SEM1: variants seen among roughly 807,000 people sequenced by gnomAD.
SEM1 encodes 26S proteasome complex subunit SEM1.
A neutral mutation model predicts 12.7 loss-of-function variants in SEM1; 3 were observed. That is an observed-to-expected ratio of 0.24 (90% CI 0.11 to 0.61). SEM1 has a LOEUF of 0.61. SEM1 is among the 20% of genes least tolerant of loss of function. SEM1 has a pLI of 0.88. For synonymous variants in SEM1, 30 were observed against 27.8 expected (o/e 1.08, Z -0.25); for missense variants, 59 against 81.3 (o/e 0.73, Z 1.06).
chr7:96,687,759 T>C (rs1584863786), downstream of SEM1, among the ~76,000 whole-genome samples: 1 of 151,934 alleles, frequency 6.6e-6, no homozygotes, highest in Non-Finnish European at 1.5e-5. Flanking sequence ...ATTGTGCACA[T>C]GTACCCTAAA....
intron 2 of SEM1, among the ~76,000 whole-genome samples, chr7:96,552,975 T>C (rs1208736165): frequency 6.6e-6 from 1 of 151,790 alleles, no homozygotes; most frequent in Non-Finnish European, 1.5e-5. Context: ...ATGTGTCTTT[T>C]GGCTGCATAA....
chr7:96,660,664 C>A (rs1788972746), intron 2 of SEM1, among the ~76,000 whole-genome samples: 1 of 152,058 alleles, frequency 6.6e-6, no homozygotes, highest in South Asian at 2.1e-4. Flanking sequence ...GTGAAACCCA[C>A]ACAGTTTAAA....
intron 2 of SEM1, among the ~76,000 whole-genome samples, chr7:96,615,241 CTTTTTTTTTTTTTT>C (rs60940244): frequency 1.5e-4 from 19 of 126,446 alleles, no homozygotes; most frequent in Admixed American, 1.7e-4. Flanking sequence ...TTTGAGTCAT[CTTTTTTTTTTTTTT>C]TTTTTTTTTT....
At chr7:96,653,595 A>C (rs568134185) in intron 2 of SEM1, 1 of 152,366 alleles carries the variant, frequency 6.6e-6, no homozygotes, top group East Asian at 1.9e-4. Context: ...GAGTCGTGAT[A>C]GTTGATAACA....
exon 2 of SEM1, chr7:96,486,216 C>A: frequency 1.3e-6 from 2 of 1,535,882 alleles, no homozygotes; most frequent in Non-Finnish European, 1.7e-6. Context: ...CAGACCCAGG[C>A]TAACTCTGTT....
At chr7:96,603,205 A>G (rs1807243726) in intron 2 of SEM1, among the ~76,000 whole-genome samples, 1 of 152,190 alleles carries the variant, frequency 6.6e-6, no homozygotes, top group African/African-American at 2.4e-5. Flanking sequence ...TGGGATTTCA[A>G]ATATACCCTC....
chr7:96,505,310 G>T (rs1223466676), intron 3 of SEM1, among the ~76,000 whole-genome samples: 1 of 151,864 alleles, frequency 6.6e-6, no homozygotes, highest in African/African-American at 2.4e-5. Context: ...CACCATGTTG[G>T]CCAGGCTAAT....
intron 2 of SEM1, among the ~76,000 whole-genome samples, chr7:96,572,791 A>G (rs929033321): frequency 3.1e-4 from 47 of 152,170 alleles, no homozygotes; most frequent in African/African-American, 1.1e-3. Flanking sequence ...GCAGATGTCT[A>G]TTAGGTCCGC....
chr7:96,488,268 G>A (rs1318038773), intron 1 of SEM1, among the ~76,000 whole-genome samples: 1 of 152,108 alleles, frequency 6.6e-6, no homozygotes, highest in African/African-American at 2.4e-5. Flanking sequence ...TGCATGGGAT[G>A]AGTACCTCAG....
At chr7:96,649,003 C>T (rs1055313218) in intron 2 of SEM1, among the ~76,000 whole-genome samples, 6 of 152,186 alleles carry the variant, frequency 3.9e-5, no homozygotes, top group Non-Finnish European at 7.3e-5. Context: ...TCGCTTTCTG[C>T]GACAGAGGTG....
At chr7:96,490,362 G>T (rs1563025604) in intron 1 of SEM1, among the ~76,000 whole-genome samples, 1 of 151,956 alleles carries the variant, frequency 6.6e-6, no homozygotes, top group South Asian at 2.1e-4. Context: ...TGTTCCTCAG[G>T]GCATTTTATA....
chr7:96,527,099 T>C (rs1274590304), intron 2 of SEM1, among the ~76,000 whole-genome samples: 1 of 151,534 alleles, frequency 6.6e-6, no homozygotes, highest in Admixed American at 6.6e-5. Flanking sequence ...GGTTGGTACA[T>C]AAAGAGCCCT....
exon 3 of SEM1, chr7:96,673,672 C>T (rs558067764): frequency 4.8e-5 from 35 of 724,542 alleles, no homozygotes; most frequent in East Asian, 1.5e-4. Flanking sequence ...ATCCACATGA[C>T]TAGTGCTCAA....
intron 2 of SEM1, among the ~76,000 whole-genome samples, chr7:96,652,225 T>C (rs999835801): frequency 6.6e-6 from 1 of 152,180 alleles, no homozygotes; most frequent in African/African-American, 2.4e-5. Flanking sequence ...TATTGCTTTA[T>C]TTTATTGTTT....
chr7:96,578,083 A>G (rs1256459170), intron 2 of SEM1, among the ~76,000 whole-genome samples: 1 of 152,168 alleles, frequency 6.6e-6, no homozygotes, highest in African/African-American at 2.4e-5. Flanking sequence ...TAAACAGTAG[A>G]TTAGACTTTA....
At chr7:96,709,529 G>A (rs866314036) in intron 1 of SEM1, among the ~76,000 whole-genome samples, 159 bp downstream of exon 1, 1 of 152,074 alleles carries the variant, frequency 6.6e-6, no homozygotes. Flanking sequence ...CCCGAATCTG[G>A]GGCGCCACTG....
chr7:96,686,719 T>C (rs567177615), downstream of SEM1, among the ~76,000 whole-genome samples: 8 of 152,274 alleles, frequency 5.3e-5, no homozygotes, highest in Admixed American at 2.0e-4. Context: ...ATTCAGGACA[T>C]AGGCATGGGC....
chr7:96,498,010 A>T (rs1190761259), upstream of SEM1, among the ~76,000 whole-genome samples: 1 of 152,222 alleles, frequency 6.6e-6, no homozygotes, highest in Non-Finnish European at 1.5e-5. Context: ...ATGAAGAGTA[A>T]TAATTGCTAA....
At chr7:96,682,158 G>T (rs1789633313) in intron 2 of SEM1, among the ~76,000 whole-genome samples, 1 of 152,016 alleles carries the variant, frequency 6.6e-6, no homozygotes, top group Admixed American at 6.6e-5. Context: ...TTGTGAATGG[G>T]TGTTCACTCA....
Sources: allele counts gnomAD v4.1 joint callset (sites outside exome capture counted in the v4.1 genomes callset), GRCh38; gene constraint gnomAD v4.1.1; transcripts MANE v1.5; gene names NCBI Gene and HGNC (gene_info 2026-07-23, HGNC 2026-07-21).